SLC33A1: variants seen among roughly 807,000 people sequenced by gnomAD.
SLC33A1 encodes solute carrier family 33 member 1, also known as acetyl-coenzyme A transporter 1.
A neutral mutation model predicts 50.0 loss-of-function variants in SLC33A1; 20 were observed. That is an observed-to-expected ratio of 0.40 (90% CI 0.28 to 0.58). SLC33A1 has a LOEUF of 0.58. SLC33A1 is among the 20% of genes least tolerant of loss of function. SLC33A1 has a pLI of 0.44. For synonymous variants in SLC33A1, 265 were observed against 251.8 expected (o/e 1.05, Z -0.50); for missense variants, 476 against 657.0 (o/e 0.72, Z 3.01).
Position 155,823,456 on chromosome 3 carries a change from G to T in SLC33A1, c.*4754C>A, listed in dbSNP as rs1421994192. 2 of 152,120 alleles carry T rather than the reference G, an allele frequency of 1.3e-5. No homozygotes were observed. Among genetic ancestry groups the T allele is most frequent in the Admixed American group, 1.3e-4 (2 of 15,258 alleles). 9.4% of individuals were successfully genotyped at this position (152,120 alleles called of 1,614,324 possible). On this transcript the variant is annotated 3_prime_UTR_variant, in exon 6 of 6. Transcript: ENST00000643144. ...AGGCCAAGGCGGGAAGATCACCTAA[G>T]GTCAGGAGTTTGAGATCAGCCTGGC...
At chr3:155,848,336 G>A (rs1384595027) in intron 1 of SLC33A1, among the ~76,000 whole-genome samples, 2 of 152,162 alleles carry the variant, frequency 1.3e-5, no homozygotes, top group African/African-American at 4.8e-5. Context: ...AGAAGTGTTT[G>A]TAAAATTAGG....
intron 1 of SLC33A1, among the ~76,000 whole-genome samples, chr3:155,851,408 ATTTTTT>A (rs11299299): frequency 6.9e-6 from 1 of 144,018 alleles, no homozygotes; most frequent in Non-Finnish European, 1.5e-5. Context: ...ACACCCAGCT[ATTTTTT>A]TTTTTTTTTT....
Position 155,842,590 on chromosome 3 carries a change from A to C in SLC33A1, c.805T>G (p.Leu269Val). 1 of 1,579,472 alleles carries C rather than the reference A, an allele frequency of 6.3e-7. No homozygotes were observed. The highest frequency in any genetic ancestry group is 8.6e-7 in the Non-Finnish European group (1 of 1,161,528). Reference sequence around the variant, plus strand: ...AGGGCAACCAATGTTGTTGTTATTAAAAATACAGTTCCCCAGAAAAAAAGG... The same window carrying C: ...AGGGCAACCAATGTTGTTGTTATTACAAATACAGTTCCCCAGAAAAAAAGG... The part of the protein sequence containing the change: ...DFLFFWGTVF[L>V]ITTTLVALLK... The change falls in exon 2 of 6, where the codon TTA becomes GTA. Residue 269 changes from leucine to valine, a missense_variant. Transcript: ENST00000643144.
chr3:155,848,282 C>A (rs1202219548), intron 1 of SLC33A1, among the ~76,000 whole-genome samples: 2 of 152,158 alleles, frequency 1.3e-5, no homozygotes. Context: ...ACTACAGATG[C>A]GTGCCACTGT....
chr3:155,829,338 A>G (rs752076627), intron 5 of SLC33A1, among the ~76,000 whole-genome samples: 8 of 152,200 alleles, frequency 5.3e-5, no homozygotes, highest in Non-Finnish European at 1.0e-4. Context: ...TTTAGTTATC[A>G]CTGTTATAGG....
chr3:155,848,875 CA>C (rs1375926346), intron 1 of SLC33A1, among the ~76,000 whole-genome samples: 3 of 152,090 alleles, frequency 2.0e-5, no homozygotes, highest in Non-Finnish European at 4.4e-5. Flanking sequence ...CTGTAACAAT[CA>C]AAACTGTTAA....
Position 155,829,915 on chromosome 3 carries a change from T to A in SLC33A1, c.1267-12A>T. 2 of 1,527,672 alleles carry A rather than the reference T, an allele frequency of 1.3e-6. No individual in the cohort carries two copies. The highest frequency in any genetic ancestry group is 1.8e-6 in the Non-Finnish European group (2 of 1,102,242). 94.6% of individuals were successfully genotyped at this position (1,527,672 alleles called of 1,614,324 possible). On this transcript the variant is annotated splice_polypyrimidine_tract_variant and intron_variant, in intron 4 of 5. Coordinates refer to ENST00000643144, the MANE Select transcript of SLC33A1 (RefSeq NM_004733.4). ...CTGTACACTGTAACCTACGGAAAAATGTAAAACATCTTTAGTATGATTATA... is the reference window on the plus strand; with the variant it reads ...CTGTACACTGTAACCTACGGAAAAAAGTAAAACATCTTTAGTATGATTATA...
At chr3:155,845,944 G>A (rs971482959) in intron 1 of SLC33A1, among the ~76,000 whole-genome samples, 3 of 151,994 alleles carry the variant, frequency 2.0e-5, no homozygotes, top group Non-Finnish European at 2.9e-5. Flanking sequence ...AAGCATACAT[G>A]GTATATAAAT....
chr3:155,834,262 A>G (rs1752567016), intron 2 of SLC33A1, among the ~76,000 whole-genome samples: 1 of 152,208 alleles, frequency 6.6e-6, no homozygotes, highest in Non-Finnish European at 1.5e-5. Flanking sequence ...AAAATTCAGT[A>G]CTGGTAGGGA....
rs561333360 is a variant in SLC33A1 at position 155,827,846 on chromosome 3, C to T, written c.*364G>A. 8.3e-5 allele frequency: 14 copies of T among 168,796 alleles called. No individual in the cohort carries two copies. The highest frequency in any genetic ancestry group is 1.7e-4 in the Non-Finnish European group (13 of 77,830). The allele number at this position is 168,796 out of a possible 1,614,324, so 10.5% of individuals were successfully genotyped here. A position where few individuals can be genotyped will look rare whatever the true frequency, so the allele number is the denominator to read the frequency against. On this transcript the variant is annotated 3_prime_UTR_variant, in exon 6 of 6. Coordinates refer to ENST00000643144, the MANE Select transcript of SLC33A1 (RefSeq NM_004733.4). Reference sequence around the variant, plus strand: ...ATATATTGTACCAAAATTTTAAATACAGCTCAGCAGTGATAGGTACTAATA... The same window carrying T: ...ATATATTGTACCAAAATTTTAAATATAGCTCAGCAGTGATAGGTACTAATA...
chr3:155,830,501 A>G (rs936221866), intron 4 of SLC33A1, among the ~76,000 whole-genome samples: 3 of 152,134 alleles, frequency 2.0e-5, no homozygotes, highest in African/African-American at 4.8e-5. Context: ...AAATAATTAT[A>G]AATACAGGAA....
chr3:155,844,455 ATATTTTT>A (rs1753074971), intron 1 of SLC33A1, among the ~76,000 whole-genome samples: 2 of 23,966 alleles, frequency 8.3e-5, no homozygotes, highest in Non-Finnish European at 7.5e-5. Context: ...ATATATATAT[ATATTTTT>A]TTTTTTTTTT....
intron 1 of SLC33A1, among the ~76,000 whole-genome samples, chr3:155,851,777 G>C (rs940396993): frequency 6.6e-6 from 1 of 152,094 alleles, no homozygotes; most frequent in Non-Finnish European, 1.5e-5. Flanking sequence ...AAATCTACCT[G>C]GGTGCAAAGC....
At chr3:155,844,445 ATATATATATATATTTTTTTTT>A (rs1435727836) in intron 1 of SLC33A1, among the ~76,000 whole-genome samples, 3 of 12,378 alleles carry the variant, frequency 2.4e-4, no homozygotes, top group African/African-American at 6.1e-4. Context: ...ATATATATAT[ATATATATATATATTTTTTTTT>A]TTTTTTTTTT....
At chr3:155,829,629 AC>A in intron 5 of SLC33A1, 58 bp downstream of exon 5, 1 of 1,230,362 alleles carries the variant, frequency 8.1e-7, no homozygotes, top group Non-Finnish European at 1.2e-6. Context: ...TAGAGACAAA[AC>A]AAAGATATTA....
chr3:155,828,024 A>T lies in SLC33A1; in HGVS notation c.*186T>A, dbSNP rs1344524943. The T allele has an allele frequency of 4.5e-5, 25 of 551,390 alleles. 1 individual carries two copies. The Admixed American group carries it at 8.4e-4, about 19-fold the overall frequency. The allele number at this position is 551,390 out of a possible 1,614,324, so 34.2% of individuals were successfully genotyped here. A position where few individuals can be genotyped will look rare whatever the true frequency, so the allele number is the denominator to read the frequency against. The stretch of plus-strand genomic sequence containing the variant: ...CCTTAAGTAAACTTTAAATACATTG[A>T]CAAGGCAAAAAAAAAATATGATCAA... On this transcript the variant is annotated 3_prime_UTR_variant, in exon 6 of 6. Transcript: ENST00000643144.
Position 155,822,438 on chromosome 3 carries a change from G to GC in SLC33A1, c.*5771dup, listed in dbSNP as rs1560008236. ...CCGTCTATACTATACAAAAAAATTA[G>GC]CCAGGTGTGGTGGAAGGCACCTGTA... On this transcript the variant is annotated 3_prime_UTR_variant, in exon 6 of 6. Transcript: ENST00000643144. The GC allele has an allele frequency of 6.6e-6, 1 of 151,982 alleles. No individual in the cohort carries two copies. The highest frequency in any genetic ancestry group is 2.4e-5 in the African/African-American group (1 of 41,362). The allele number at this position is 151,982 out of a possible 1,614,324, so 9.4% of individuals were successfully genotyped here. A position where few individuals can be genotyped will look rare whatever the true frequency, so the allele number is the denominator to read the frequency against.
At position 155,833,886 on chromosome 3, in the gene SLC33A1, T is replaced by C. The variant is rs764536234; in HGVS notation, c.1119A>G (p.Leu373=). 3 of 1,613,908 alleles carry C rather than the reference T, an allele frequency of 1.9e-6. No individual in the cohort carries two copies. The highest frequency in any genetic ancestry group is 1.7e-5 in the Admixed American group (1 of 60,018). ...AGGGCATGGCTTTGTAAAATGTGTT[T>C]AATGGCTGGGGACCTGCAGTGTATT... is the stretch of plus-strand genomic sequence containing the variant. The part of the protein sequence containing the change: ...ISKYTAGPQP[L]NTFYKAMPYR... Residue 373 remains leucine (L), a synonymous_variant, in exon 3 of 6, where the codon TTA becomes TTG. Coordinates refer to ENST00000643144, the MANE Select transcript of SLC33A1 (RefSeq NM_004733.4).
intron 1 of SLC33A1, among the ~76,000 whole-genome samples, chr3:155,846,453 C>A (rs1341364319): frequency 1.5e-5 from 2 of 137,002 alleles, no homozygotes; most frequent in East Asian, 3.9e-4. Context: ...TCCCACACTT[C>A]CTTTTTTTTT....
Sources: gnomAD v4.1 joint callset for allele counts (sites outside exome capture counted in the v4.1 genomes callset) on GRCh38, gnomAD v4.1.1 for gene constraint, MANE v1.5 for transcripts, NCBI Gene and HGNC (gene_info 2026-07-23, HGNC 2026-07-21) for gene names.